ERCC6L2: variants seen among roughly 807,000 people sequenced by gnomAD.
The protein encoded by ERCC6L2 is ERCC excision repair 6 like 2.
Under a neutral mutation model 132.0 loss-of-function variants are expected in ERCC6L2, and 77 were observed. That is an observed-to-expected ratio of 0.58 (90% CI 0.49 to 0.71). The LOEUF (loss-of-function observed/expected upper bound fraction) is 0.71, where lower values mean the gene tolerates loss of function less well. ERCC6L2 is among the 30% of genes least tolerant of loss of function. ERCC6L2 has a pLI of 0.00. For missense variants in ERCC6L2, 1,542 were observed against 1,837.6 expected, an observed-to-expected ratio of 0.84 and a Z score of 2.94; for synonymous variants, 583 against 632.4, an observed-to-expected ratio of 0.92 and a Z score of 1.17.
chr9:95,915,658 T>TA lies in ERCC6L2; in HGVS notation c.789-9dup. 6.3e-7 allele frequency: 1 copy of TA among 1,593,832 alleles called. No homozygotes were observed. Among genetic ancestry groups the TA allele is most frequent in the Non-Finnish European group, 8.5e-7 (1 of 1,172,204 alleles). ...TCTCAACCTCACCCTTCTTTTTTCT[T>TA]ACTTTATAGTTTGGAATGGTCAGCT... On this transcript the variant is annotated splice_polypyrimidine_tract_variant and intron_variant, in intron 4 of 18. Coordinates refer to ENST00000653738, the MANE Select transcript of ERCC6L2 (RefSeq NM_020207.7).
chr9:95,948,270 A>C (rs1326822041), intron 12 of ERCC6L2, among the ~76,000 whole-genome samples: 1 of 152,232 alleles, frequency 6.6e-6, no homozygotes, highest in South Asian at 2.1e-4. Context: ...ACTTTAGTAG[A>C]GGAAGTAATT....
chr9:95,974,722 T>TTGTTTGTG (rs1554756063), intron 16 of ERCC6L2, among the ~76,000 whole-genome samples: 2 of 149,702 alleles, frequency 1.3e-5, no homozygotes, highest in African/African-American at 4.9e-5. Context: ...GTGGCCAGAT[T>TTGTTTGTG]TGTGTGTGTG....
chr9:96,038,751 T>C (rs1490404836), intron 19 of ERCC6L2: 3 of 410,842 alleles, frequency 7.3e-6, no homozygotes, highest in Non-Finnish European at 1.5e-5. Flanking sequence ...TGCAGATTCT[T>C]TGATCTTACT....
chr9:95,902,529 C>G (rs570932644), intron 3 of ERCC6L2, among the ~76,000 whole-genome samples: 2 of 152,042 alleles, frequency 1.3e-5, no homozygotes, highest in East Asian at 3.9e-4. Flanking sequence ...ATGATGCTAC[C>G]GTGAGCATCC....
At position 95,933,029 on chromosome 9, in the gene ERCC6L2, C is replaced by G. The variant is rs1054498150; in HGVS notation, c.1751+4165C>G. Among the ~76,000 whole-genome samples, 8 of 152,058 alleles carry G rather than the reference C, an allele frequency of 5.3e-5. No individual in the cohort carries two copies. In the South Asian group the frequency reaches 1.2e-3, roughly 24 times the overall value. On this transcript the variant is annotated intron_variant, in intron 11 of 18. Transcript: ENST00000653738. The stretch of plus-strand genomic sequence containing the variant: ...GAGAGTCTAGGGCCTTTTTCTTCTT[C>G]TTTAAAGGGAGCTTTGCTTCTTCAG...
At chr9:95,996,593 C>CT (rs948525716) in intron 17 of ERCC6L2, among the ~76,000 whole-genome samples, 2 of 152,204 alleles carry the variant, frequency 1.3e-5, no homozygotes, top group African/African-American at 2.4e-5. Flanking sequence ...CAGCTGGGGA[C>CT]TTTAAGTAGA....
intron 20 of ERCC6L2, among the ~76,000 whole-genome samples, chr9:96,041,079 C>G (rs1834572818): frequency 1.3e-5 from 2 of 152,150 alleles, no homozygotes. Flanking sequence ...ACATGAGCCC[C>G]AGGTTTGTAT....
chr9:96,029,903 C>T (rs552865434), intron 19 of ERCC6L2, among the ~76,000 whole-genome samples: 3 of 152,342 alleles, frequency 2.0e-5, no homozygotes, highest in African/African-American at 7.2e-5. Context: ...CGCTGTTGGG[C>T]GTGCCTTTGC....
intron 2 of ERCC6L2, among the ~76,000 whole-genome samples, chr9:95,897,070 T>TA (rs1283576149): frequency 6.6e-6 from 1 of 152,150 alleles, no homozygotes; most frequent in Non-Finnish European, 1.5e-5. Context: ...TCTTCTTATT[T>TA]ATTTTTGTAA....
At chr9:96,021,085 C>T (rs540640706), downstream of ERCC6L2, 763 of 438,542 alleles carry the variant, frequency 1.7e-3, 16 homozygotes, top group South Asian at 0.012. The surrounding 1 kb of genome is among the most constrained non-coding windows in gnomAD (Gnocchi z 4.7). Flanking sequence ...CACAGGGAGG[C>T]CGTTCGGCTT....
chr9:95,972,416 C>T lies in ERCC6L2; in HGVS notation c.2665C>T (p.His889Tyr), dbSNP rs1832458261. The T allele has an allele frequency of 2.3e-6, 3 of 1,278,360 alleles. No individual in the cohort carries two copies. The highest frequency in any genetic ancestry group is 3.0e-6 in the Non-Finnish European group (3 of 985,208). The allele number at this position is 1,278,360 out of a possible 1,614,324, so 79.2% of individuals were successfully genotyped here. A position where few individuals can be genotyped will look rare whatever the true frequency, so the allele number is the denominator to read the frequency against. The change falls in exon 16 of 19, where the codon CAT becomes TAT. Residue 889 changes from histidine (H) to tyrosine (Y), a missense_variant. His to Tyr is a moderately conservative substitution (Grantham distance 83). Coordinates refer to ENST00000653738, the MANE Select transcript of ERCC6L2 (RefSeq NM_020207.7). ...DEKKIKNTDK[H>Y]CILQNVTESE... ...GAAAAAAATTAAAAATACAGATAAA[C>T]ATTGCATTTTACAGAATGTCACAGA...
At chr9:95,922,616 T>G (rs1195860686) in intron 8 of ERCC6L2, among the ~76,000 whole-genome samples, 198 bp downstream of exon 8, 7 of 152,204 alleles carry the variant, frequency 4.6e-5, no homozygotes, top group Non-Finnish European at 1.0e-4. Flanking sequence ...TAATTTAAAA[T>G]AAGAACTATC....
At chr9:96,037,557 G>C (rs756276440) in intron 19 of ERCC6L2, among the ~76,000 whole-genome samples, 9 of 152,234 alleles carry the variant, frequency 5.9e-5, no homozygotes, top group Non-Finnish European at 1.2e-4. Context: ...CAGGTGGAGA[G>C]AGATGCTGTC....
chr9:95,961,076 A>G (rs1204273126), intron 13 of ERCC6L2, among the ~76,000 whole-genome samples: 1 of 152,182 alleles, frequency 6.6e-6, no homozygotes, highest in Admixed American at 6.6e-5. Flanking sequence ...GAACATAAAT[A>G]TGAAAATCTT....
At chr9:95,906,986 A>C in intron 3 of ERCC6L2, 92 bp from the exon 4 acceptor site, 1 of 814,894 alleles carries the variant, frequency 1.2e-6, no homozygotes. Flanking sequence ...AAAATTAAGG[A>C]AGAGGACTAT....
downstream of ERCC6L2, among the ~76,000 whole-genome samples, chr9:96,019,577 C>G (rs556460507): frequency 6.6e-6 from 1 of 152,324 alleles, no homozygotes; most frequent in South Asian, 2.1e-4. Context: ...GACCTGCCCA[C>G]TGTTGCCTGA....
rs1355705996 is a variant in ERCC6L2 at position 95,980,686 on chromosome 9, A to T, written c.3492+2471A>T. 3.3e-5 allele frequency among the ~76,000 whole-genome samples: 5 copies of T among 152,192 alleles called. No homozygotes were observed. The East Asian group carries it at 9.6e-4, about 29-fold the overall frequency. ...GATTTATGTTACTCAGAGGTTTTGC[A>T]GCTGGTGTGGCAGTGGGTGGCAATA... On this transcript the variant is annotated intron_variant, in intron 17 of 18. Coordinates refer to ENST00000653738, the MANE Select transcript of ERCC6L2 (RefSeq NM_020207.7).
intron 19 of ERCC6L2, among the ~76,000 whole-genome samples, chr9:96,029,291 A>G (rs918971504): frequency 1.4e-5 from 2 of 143,422 alleles, no homozygotes; most frequent in African/African-American, 2.7e-5. Context: ...GTGACAGAGC[A>G]AGACTCCGTC....
In ERCC6L2 at chr9:95,881,183, A is replaced by C; in HGVS notation, c.361A>C (p.Arg121=). 1.2e-6 allele frequency: 2 copies of C among 1,612,536 alleles called. No homozygotes were observed. Among genetic ancestry groups the C allele is most frequent in the South Asian group, 2.2e-5 (2 of 90,786 alleles). The change falls in exon 2 of 19, where the codon AGG becomes CGG. Residue 121 remains arginine, a synonymous_variant. Transcript: ENST00000653738. ...NGDSIPYTIN[R]YLRDYQREGT... ...AGACTCTATTCCTTATACCATCAATAGGTATTTGAGAGACTACCAAAGAGA... is the reference window on the plus strand; with the variant it reads ...AGACTCTATTCCTTATACCATCAATCGGTATTTGAGAGACTACCAAAGAGA...
Sources: allele counts gnomAD v4.1 joint callset (sites outside exome capture counted in the v4.1 genomes callset), GRCh38; gene constraint gnomAD v4.1.1; non-coding constraint Gnocchi (gnomAD v3.1); transcripts MANE v1.5; gene names NCBI Gene and HGNC (gene_info 2026-07-23, HGNC 2026-07-21).